Variants in CLSTN1 observed in about 807,000 individuals in gnomAD.
The protein encoded by CLSTN1 is calsyntenin 1.
CLSTN1 carries 28 observed loss-of-function variants against 108.3 expected under a neutral mutation model. That is an observed-to-expected ratio of 0.26 (90% CI 0.19 to 0.35). CLSTN1 has a LOEUF of 0.35. Among genes scored for constraint, CLSTN1 ranks in the 10% least tolerant of loss-of-function variants. The pLI, the probability that CLSTN1 is intolerant of heterozygous loss-of-function variation, is 1.00. For missense variants in CLSTN1, 1,157 were observed against 1,302.6 expected, an observed-to-expected ratio of 0.89 and a Z score of 1.72; for synonymous variants, 524 against 534.9, an observed-to-expected ratio of 0.98 and a Z score of 0.28.
intron 1 of CLSTN1, among the ~76,000 whole-genome samples, chr1:9,818,789 T>C (rs970906524): frequency 3.8e-5 from 5 of 132,524 alleles, no homozygotes; most frequent in African/African-American, 1.2e-4. Context: ...TTTTTTTTTT[T>C]TTTTTTTTTT....
intron 1 of CLSTN1, among the ~76,000 whole-genome samples, chr1:9,795,380 G>A (rs931491409): frequency 5.3e-5 from 8 of 150,900 alleles, no homozygotes; most frequent in African/African-American, 1.9e-4. Flanking sequence ...TGGTCAGGAT[G>A]GTCTGAAACT....
chr1:9,790,132 G>A (rs1021347716), intron 1 of CLSTN1, among the ~76,000 whole-genome samples: 1 of 151,402 alleles, frequency 6.6e-6, no homozygotes, highest in African/African-American at 2.4e-5. Flanking sequence ...TTCTCGCTCT[G>A]TAGGGTAAGT....
At position 9,757,477 on chromosome 1, in the gene CLSTN1, A is replaced by G. The variant is rs552229040; in HGVS notation, c.215-967T>C. ...AGGATGGTCTCGATCTCCTGACCTC[A>G]TGATCCACCCGCCTCGGCCTCCCAA... On this transcript the variant is annotated intron_variant, in intron 2 of 18. Coordinates refer to ENST00000377298, the MANE Select transcript of CLSTN1 (RefSeq NM_001009566.3). Among the ~76,000 whole-genome samples, 696 of 149,874 alleles carry G rather than the reference A, an allele frequency of 4.6e-3. 4 individuals are homozygous for G. The highest frequency in any genetic ancestry group is 7.5e-3 in the Non-Finnish European group (503 of 67,062).
chr1:9,761,786 T>C lies in CLSTN1; in HGVS notation c.215-5276A>G, dbSNP rs182667526. On this transcript the variant is annotated intron_variant, in intron 2 of 18. Transcript: ENST00000377298. ...GGGGACCCTGCCCTTATATTGCAAA[T>C]GTTTCCTTTGCTCCTTACGTATAAC... is the stretch of plus-strand genomic sequence containing the variant. Among the ~76,000 whole-genome samples the C allele has an allele frequency of 1.5e-3, 231 of 152,314 alleles. 2 individuals are homozygous for C. The highest frequency in any genetic ancestry group is 5.4e-3 in the African/African-American group (225 of 41,576).
At chr1:9,733,360 C>T in intron 16 of CLSTN1, 41 bp downstream of exon 16, 2 of 1,611,324 alleles carry the variant, frequency 1.2e-6, no homozygotes, top group Non-Finnish European at 1.7e-6. Context: ...CCCTCACTCA[C>T]TGCTGCTATT....
At chr1:9,793,066 G>A (rs1017694487) in intron 1 of CLSTN1, among the ~76,000 whole-genome samples, 1 of 151,260 alleles carries the variant, frequency 6.6e-6, no homozygotes, top group African/African-American at 2.4e-5. Flanking sequence ...AGGCTGGAGT[G>A]CAGTGGTGTG....
At position 9,792,213 on chromosome 1, in the gene CLSTN1, C is replaced by CAAA. The variant is rs543161958; in HGVS notation, c.92-18822_92-18820dup. ...GGAAAAACAACAACAACAACAACAA[C>CAAA]AAAAAAAACAGGCCAGGCACCAACC... On this transcript the variant is annotated intron_variant, in intron 1 of 18. Transcript: ENST00000377298. Among the ~76,000 whole-genome samples, 410 of 150,336 alleles carry CAAA rather than the reference C, an allele frequency of 2.7e-3. 6 individuals carry two copies. In the Middle Eastern group the frequency reaches 0.031, roughly 11 times the overall value.
At chr1:9,803,798 T>C (rs1337480220) in intron 1 of CLSTN1, among the ~76,000 whole-genome samples, 1 of 151,914 alleles carries the variant, frequency 6.6e-6, no homozygotes, top group African/African-American at 2.4e-5. Flanking sequence ...CAAGACTCCA[T>C]CTTAAAAAAA....
At chr1:9,769,260 T>G (rs1652549409) in intron 2 of CLSTN1, among the ~76,000 whole-genome samples, 1 of 151,818 alleles carries the variant, frequency 6.6e-6, no homozygotes, top group South Asian at 2.1e-4. Flanking sequence ...GACCCCACGC[T>G]TCAGTCAAGG....
intron 1 of CLSTN1, among the ~76,000 whole-genome samples, chr1:9,782,185 T>G (rs919532579): frequency 2.0e-5 from 3 of 152,208 alleles, no homozygotes; most frequent in African/African-American, 7.2e-5. Context: ...GAGTAAAAAT[T>G]TAAACTTCTA....
chr1:9,738,073 A>G (rs1418238904), intron 10 of CLSTN1, among the ~76,000 whole-genome samples: 1 of 152,242 alleles, frequency 6.6e-6, no homozygotes, highest in African/African-American at 2.4e-5. Context: ...GCTCCAAACA[A>G]GTTTACATCT....
rs1650542608 is a variant in CLSTN1, at chr1:9,733,959, G to A, written c.2281+13C>T. On this transcript the variant is annotated intron_variant, in intron 15 of 18. Transcript: ENST00000377298. Reference sequence around the variant, plus strand: ...AGCCTGGCCCACCTGCGTGGCTGCAGCGCTCCCCTTACCTGTGAAGGTCAT... The same window carrying A: ...AGCCTGGCCCACCTGCGTGGCTGCAACGCTCCCCTTACCTGTGAAGGTCAT... The A allele has an allele frequency of 6.2e-7, 1 of 1,603,002 alleles. No individual in the cohort carries two copies. Among genetic ancestry groups the A allele is most frequent in the South Asian group, 1.1e-5 (1 of 90,230 alleles).
intron 1 of CLSTN1, among the ~76,000 whole-genome samples, chr1:9,816,941 C>T (rs1362128406): frequency 6.6e-6 from 1 of 152,208 alleles, no homozygotes; most frequent in Non-Finnish European, 1.5e-5. Flanking sequence ...GCCACCGCAC[C>T]CAGCCGGTGG....
Position 9,755,254 on chromosome 1 carries a change from T to C in CLSTN1, c.300A>G (p.Val100=), listed in dbSNP as rs1334186297. ...CTCCCTCACCAGTGGATTTATCCAC[T>C]ACCACTGCATCAAAGGGGACATTCT... is the stretch of plus-strand genomic sequence containing the variant. The part of the protein sequence containing the change: ...HGQNVPFDAV[V]VDKSTGEGVI... The change falls in exon 4 of 19, where the codon GTA becomes GTG. Residue 100 remains valine, a synonymous_variant. Transcript: ENST00000377298. 2.5e-6 allele frequency: 4 copies of C among 1,614,020 alleles called. No homozygotes were observed. The highest frequency in any genetic ancestry group is 1.1e-5 in the South Asian group (1 of 91,070).
chr1:9,801,898 A>G (rs1423537180), intron 1 of CLSTN1, among the ~76,000 whole-genome samples: 1 of 152,172 alleles, frequency 6.6e-6, no homozygotes, highest in East Asian at 1.9e-4. Flanking sequence ...AGATGTTACA[A>G]GAAAACTACA....
At chr1:9,761,571 CCAA>C (rs1258668484) in intron 2 of CLSTN1, among the ~76,000 whole-genome samples, 2 of 151,924 alleles carry the variant, frequency 1.3e-5, no homozygotes, top group Non-Finnish European at 2.9e-5. Flanking sequence ...ATGGATGAAC[CCAA>C]CAAAGTATGG....
intron 1 of CLSTN1, among the ~76,000 whole-genome samples, chr1:9,808,768 G>A (rs976022435): frequency 6.6e-6 from 1 of 152,014 alleles, no homozygotes; most frequent in African/African-American, 2.4e-5. Flanking sequence ...CACTGCTGTG[G>A]GCTGCTCAGA....
intron 1 of CLSTN1, among the ~76,000 whole-genome samples, chr1:9,820,088 A>G (rs1655135659): frequency 6.7e-6 from 1 of 150,094 alleles, no homozygotes; most frequent in African/African-American, 2.5e-5. Context: ...TGCCCAGGCT[A>G]GTCTCAAACT....
chr1:9,731,098 T>C (rs1650359916), intron 18 of CLSTN1, 108 bp downstream of exon 18: 2 of 1,306,708 alleles, frequency 1.5e-6, no homozygotes, highest in Non-Finnish European at 2.2e-6. Flanking sequence ...GCTGAGCAGA[T>C]GACGCGATGG....
Sources: gnomAD v4.1 joint callset for allele counts (sites outside exome capture counted in the v4.1 genomes callset) on GRCh38, gnomAD v4.1.1 for gene constraint, MANE v1.5 for transcripts, NCBI Gene and HGNC (gene_info 2026-07-23, HGNC 2026-07-21) for gene names.